POLDIP2: variants seen among roughly 807,000 people sequenced by gnomAD.
The protein encoded by POLDIP2 is polymerase delta-interacting protein 2.
A neutral mutation model predicts 52.9 loss-of-function variants in POLDIP2; 32 were observed. The ratio of observed to expected loss-of-function variants is 0.61; its 90% CI spans 0.46 to 0.81. The LOEUF is 0.81. Ranked by LOEUF, POLDIP2 falls within the 40% of genes least tolerant of loss-of-function variation. The pLI, the probability that POLDIP2 is intolerant of heterozygous loss-of-function variation, is 0.00. For missense variants in POLDIP2, 371 were observed against 477.3 expected (o/e 0.78, Z 2.07); for synonymous variants, 183 against 183.0 (o/e 1.00, Z 0.00).
chr17:28,351,846 C>T, intron 6 of POLDIP2, 46 bp from the exon 7 acceptor site: 1 of 1,566,484 alleles, frequency 6.4e-7, no homozygotes, highest in Non-Finnish European at 8.8e-7. Flanking sequence ...GTTGTGGATA[C>T]AATTGTATCT....
rs1033286814 is a variant in POLDIP2 at position 28,355,199 on chromosome 17, C to T, written c.243+596G>A. ...ACTATGTTAGAGAAATCTTCAGCAACTTGGCTAAACCTCACTATAGTCCAC... is the reference window on the plus strand; with the variant it reads ...ACTATGTTAGAGAAATCTTCAGCAATTTGGCTAAACCTCACTATAGTCCAC... On this transcript the variant is annotated intron_variant, in intron 2 of 10. Coordinates refer to ENST00000540200, the MANE Select transcript of POLDIP2 (RefSeq NM_015584.5). 5.9e-5 allele frequency among the ~76,000 whole-genome samples: 9 copies of T among 152,244 alleles called. 1 individual carries two copies. The highest frequency in any genetic ancestry group is 5.2e-4 in the Admixed American group (8 of 15,282).
At chr17:28,357,166 C>T (rs1555581079) in intron 1 of POLDIP2, 122 bp downstream of exon 1, 1 of 965,044 alleles carries the variant, frequency 1.0e-6, no homozygotes, top group Non-Finnish European at 1.4e-6. Flanking sequence ...GCTCGGGACC[C>T]TCTCCCGGGT....
intron 9 of POLDIP2, 69 bp downstream of exon 9, chr17:28,350,369 A>T: frequency 7.2e-7 from 1 of 1,398,118 alleles, no homozygotes; most frequent in Non-Finnish European, 9.6e-7. Flanking sequence ...AACAAAGGAG[A>T]AGGAAGCCAT....
At position 28,357,173 on chromosome 17, in the gene POLDIP2, G is replaced by A. The variant is rs1342701582; in HGVS notation, c.161+115C>T. The A allele has an allele frequency of 5.0e-6, 5 of 1,007,468 alleles. No individual in the cohort carries two copies. In the South Asian group the frequency reaches 8.9e-5, roughly 18 times the overall value. The allele number at this position is 1,007,468 out of a possible 1,614,324, so 62.4% of individuals were successfully genotyped here. A position where few individuals can be genotyped will look rare whatever the true frequency, so the allele number is the denominator to read the frequency against. On this transcript the variant is annotated intron_variant, in intron 1 of 10. Coordinates refer to ENST00000540200, the MANE Select transcript of POLDIP2 (RefSeq NM_015584.5). ...GGCTCCCTGCTCGGGACCCTCTCCC[G>A]GGTCAAACTCCAGTCACCCTCAGCA...
chr17:28,354,385 C>A, intron 3 of POLDIP2, 103 bp downstream of exon 3: 1 of 805,716 alleles, frequency 1.2e-6, no homozygotes, highest in Admixed American at 2.2e-5. Context: ...GGGGATGTTT[C>A]CAAGGCCTAG....
At chr17:28,355,897 C>G in intron 1 of POLDIP2, 21 bp from the exon 2 acceptor site, 1 of 1,584,594 alleles carries the variant, frequency 6.3e-7, no homozygotes, top group Non-Finnish European at 8.6e-7. Context: ...AGGAAAAGAA[C>G]AAGCAACAGA....
In POLDIP2 at chr17:28,347,188, G is replaced by A. The variant is rs1293768821; in HGVS notation, c.*929C>T. ...ACTAAGGACAAGAATAACAAGGGCT[G>A]GAACTGTGATTTAATATTAATTCAA... On this transcript the variant is annotated 3_prime_UTR_variant, in exon 11 of 11. Transcript: ENST00000540200. 3.3e-5 allele frequency: 5 copies of A among 152,182 alleles called. No individual in the cohort carries two copies. Among genetic ancestry groups the A allele is most frequent in the African/African-American group, 1.2e-4 (5 of 41,418 alleles). The allele number at this position is 152,182 out of a possible 1,614,324, so 9.4% of individuals were successfully genotyped here. A position where few individuals can be genotyped will look rare whatever the true frequency, so the allele number is the denominator to read the frequency against.
rs1555580020 is a variant in POLDIP2, at chr17:28,351,796, A to C, written c.627T>G (p.Pro209=). 6.2e-7 allele frequency: 1 copy of C among 1,613,570 alleles called. No individual in the cohort carries two copies. The highest frequency in any genetic ancestry group is 1.7e-5 in the Admixed American group (1 of 60,024). The change falls in exon 7 of 11, where the codon CCT becomes CCG. Residue 209 remains proline (P), a synonymous_variant. Coordinates refer to ENST00000540200, the MANE Select transcript of POLDIP2 (RefSeq NM_015584.5). Reference sequence around the variant, plus strand: ...TTAGCGTCTCCCGAGCCACAAAAGGAGGTGCTGGGGCAAGATACAATTGGT... The same window carrying C: ...TTAGCGTCTCCCGAGCCACAAAAGGCGGTGCTGGGGCAAGATACAATTGGT... ...RFLLYDQTKA[P]PFVARETLRA...
intron 1 of POLDIP2, among the ~76,000 whole-genome samples, chr17:28,356,389 G>C (rs1555580934): frequency 6.6e-6 from 1 of 151,938 alleles, no homozygotes. Flanking sequence ...TGATTAGCTG[G>C]TACTGCCCCC....
chr17:28,350,934 G>C, intron 7 of POLDIP2, 142 bp from the exon 8 acceptor site: 2 of 735,496 alleles, frequency 2.7e-6, no homozygotes, highest in Non-Finnish European at 4.8e-6. Context: ...AAGGGTGATA[G>C]CTGAACCATG....
chr17:28,350,774 C>T lies in POLDIP2; in HGVS notation c.778G>A (p.Val260Met), dbSNP rs373149409. 6.9e-6 allele frequency: 11 copies of T among 1,595,108 alleles called. No homozygotes were observed. The East Asian group carries it at 9.1e-5, about 13-fold the overall frequency. The change falls in exon 8 of 11, where the codon GTG becomes ATG. Residue 260 changes from valine (V) to methionine (M), a missense_variant. Coordinates refer to ENST00000540200, the MANE Select transcript of POLDIP2 (RefSeq NM_015584.5). The part of the protein sequence containing the change: ...MGMREAQNSH[V>M]YWWRYCIRLE... ...CAGACAGTGACACTCACCCAGTACA[C>T]GTGGGAATTCTGGGCTTCCTAGGGA... is the stretch of plus-strand genomic sequence containing the variant.
Position 28,352,549 on chromosome 17 carries a change from T to TTTC in POLDIP2, c.622+362_622+363insGAA, listed in dbSNP as rs1555580197. 1.6e-4 allele frequency among the ~76,000 whole-genome samples: 24 copies of TTTC among 149,690 alleles called. No homozygotes were observed. In the South Asian group the frequency reaches 3.6e-3, roughly 23 times the overall value. On this transcript the variant is annotated intron_variant, in intron 6 of 10. Coordinates refer to ENST00000540200, the MANE Select transcript of POLDIP2 (RefSeq NM_015584.5). ...CAAGCACCCGGGCCTTTTTTTTTTTTTTTCCTGAGATGGAGTCTCGCTCTG... is the reference window on the plus strand; with the variant it reads ...CAAGCACCCGGGCCTTTTTTTTTTTTTTCTTTCCTGAGATGGAGTCTCGCTCTG...
intron 9 of POLDIP2, 95 bp from the exon 10 acceptor site, chr17:28,349,257 G>A (rs1597798879): frequency 2.4e-6 from 2 of 817,384 alleles, no homozygotes; most frequent in Non-Finnish European, 4.0e-6. Flanking sequence ...CATCAAGACT[G>A]GATGTCCCCT....
At chr17:28,348,948 A>G (rs1907691919) in intron 10 of POLDIP2, 135 bp downstream of exon 10, 1 of 608,608 alleles carries the variant, frequency 1.6e-6, no homozygotes, top group East Asian at 2.9e-5. Flanking sequence ...CCACACAACA[A>G]TATAGCAGAT....
In POLDIP2 at chr17:28,353,774, C is replaced by T; in HGVS notation, c.359G>A (p.Gly120Asp). The T allele has an allele frequency of 6.2e-7, 1 of 1,612,664 alleles. No individual in the cohort carries two copies. Among genetic ancestry groups the T allele is most frequent in the Non-Finnish European group, 8.5e-7 (1 of 1,178,892 alleles). The change falls in exon 4 of 11, where the codon GGC becomes GAC. Residue 120 changes from glycine to aspartate, a missense_variant. Transcript: ENST00000540200. ...GCCTTTCACCTCCTTGGAGCCATGG[C>T]CAGCAGGGTTCTCTGCTCTATGGGG... The part of the protein sequence containing the change: ...AAPEKAENPA[G>D]HGSKEVKGKT...
At position 28,357,500 on chromosome 17, in the gene POLDIP2, G is replaced by C. The variant is rs1288002762; in HGVS notation, c.-52C>G. The C allele has an allele frequency of 8.4e-6, 12 of 1,432,818 alleles. No individual in the cohort carries two copies. The Admixed American group carries it at 3.0e-4, about 36-fold the overall frequency. 88.8% of individuals were successfully genotyped at this position (1,432,818 alleles called of 1,614,324 possible). The stretch of plus-strand genomic sequence containing the variant: ...CTGACACAGAGCCCGACCCGCGGCC[G>C]GGCGGCGTTCCGCCCCAGTCCCACA... On this transcript the variant is annotated 5_prime_UTR_variant, in exon 1 of 11. Coordinates refer to ENST00000540200, the MANE Select transcript of POLDIP2 (RefSeq NM_015584.5).
At chr17:28,356,668 C>T (rs1908047550) in intron 1 of POLDIP2, among the ~76,000 whole-genome samples, 1 of 152,186 alleles carries the variant, frequency 6.6e-6, no homozygotes, top group African/African-American at 2.4e-5. Context: ...CAGGGCTGCT[C>T]TTTCTAGGGG....
chr17:28,355,650 G>C, intron 2 of POLDIP2, 145 bp downstream of exon 2: 1 of 393,982 alleles, frequency 2.5e-6, no homozygotes, highest in Non-Finnish European at 4.6e-6. Flanking sequence ...AATAAAAAAT[G>C]AATACAAATT....
intron 1 of POLDIP2, 115 bp from the exon 2 acceptor site, chr17:28,355,991 T>G (rs1597802957): frequency 1.3e-6 from 1 of 749,130 alleles, no homozygotes; most frequent in East Asian, 2.8e-5. Context: ...CAGAGAAGGG[T>G]TTGGGGTAGT....
Sources: gnomAD v4.1 joint callset for allele counts (sites outside exome capture counted in the v4.1 genomes callset) on GRCh38, gnomAD v4.1.1 for gene constraint, MANE v1.5 for transcripts, NCBI Gene and HGNC (gene_info 2026-07-23, HGNC 2026-07-21) for gene names.